ST8SIA1: variants seen among roughly 807,000 people sequenced by gnomAD.
ST8SIA1 encodes the protein ST8 alpha-N-acetyl-neuraminide alpha-2,8-sialyltransferase 1, also known as alpha-N-acetylneuraminide alpha-2,8-sialyltransferase.
A neutral mutation model predicts 35.9 loss-of-function variants in ST8SIA1; 16 were observed. That is an observed-to-expected ratio of 0.45 (90% CI 0.30 to 0.68). ST8SIA1 has a LOEUF of 0.68. ST8SIA1 is among the 30% of genes least tolerant of loss of function. The pLI is 0.09. For missense variants in ST8SIA1, 383 were observed against 453.6 expected (o/e 0.84, Z 1.41); for synonymous variants, 170 against 169.6 (o/e 1.00, Z -0.02).
intron 2 of ST8SIA1, among the ~76,000 whole-genome samples, chr12:22,281,819 C>CAAAAAAAAAAAAAAA (rs11423875): frequency 1.9e-5 from 2 of 102,964 alleles, no homozygotes; most frequent in East Asian, 3.0e-4. Context: ...CTTGTCTCTA[C>CAAAAAAAAAAAAAAA]AAAAAAAAAA....
rs147667941 is a variant in ST8SIA1 at position 22,214,081 on chromosome 12, A to G, written c.585-12043T>C. Among the ~76,000 whole-genome samples the G allele has an allele frequency of 2.4e-3, 365 of 152,334 alleles. 3 individuals carry two copies. Among genetic ancestry groups the G allele is most frequent in the African/African-American group, 8.4e-3 (349 of 41,572 alleles). On this transcript the variant is annotated intron_variant, in intron 4 of 4. Transcript: ENST00000396037. ...TATCCAAATTTGAACATGTTGAGCCACAGACATGAGCCAACAAGAAGAACA... is the reference window on the plus strand; with the variant it reads ...TATCCAAATTTGAACATGTTGAGCCGCAGACATGAGCCAACAAGAAGAACA...
chr12:22,288,395 C>T (rs977009525), intron 1 of ST8SIA1, among the ~76,000 whole-genome samples: 4 of 151,772 alleles, frequency 2.6e-5, no homozygotes, highest in African/African-American at 7.3e-5. Flanking sequence ...ATGAGACTTT[C>T]GTTGAGAGTT....
intron 1 of ST8SIA1, among the ~76,000 whole-genome samples, chr12:22,317,578 G>A (rs913937689): frequency 3.9e-5 from 6 of 152,158 alleles, no homozygotes; most frequent in African/African-American, 1.4e-4. Flanking sequence ...TTTCGCACAA[G>A]GGTCTCTCCA....
chr12:22,267,979 C>T (rs1170346061), intron 2 of ST8SIA1, among the ~76,000 whole-genome samples: 1 of 152,166 alleles, frequency 6.6e-6, no homozygotes, highest in Admixed American at 6.5e-5. Flanking sequence ...ACTTACTGTC[C>T]GTCTCACTAA....
At chr12:22,223,833 C>T (rs1251257333) in intron 4 of ST8SIA1, 1 of 1,170,456 alleles carries the variant, frequency 8.5e-7, no homozygotes, top group East Asian at 8.3e-5. Context: ...CCTGCAATAT[C>T]CTTAACAATA....
chr12:22,312,724 A>T (rs973931750), intron 1 of ST8SIA1, among the ~76,000 whole-genome samples: 13 of 151,810 alleles, frequency 8.6e-5, no homozygotes, highest in African/African-American at 2.7e-4. Context: ...AAAAAAAAAA[A>T]AAAACAATAA....
intron 1 of ST8SIA1, among the ~76,000 whole-genome samples, chr12:22,292,914 A>G (rs529094033): frequency 1.4e-4 from 22 of 152,344 alleles, no homozygotes; most frequent in East Asian, 3.9e-4. Flanking sequence ...ATAAATGAAT[A>G]AATCTGAATG....
intron 1 of ST8SIA1, among the ~76,000 whole-genome samples, chr12:22,295,042 C>G (rs932509586): frequency 6.6e-6 from 1 of 152,128 alleles, no homozygotes; most frequent in South Asian, 2.1e-4. Flanking sequence ...TAGTGCTGTT[C>G]TAGGCACTGA....
In ST8SIA1 at chr12:22,271,567, G is replaced by A. The variant is rs909221963; in HGVS notation, c.381+15582C>T. On this transcript the variant is annotated intron_variant, in intron 2 of 4. Coordinates refer to ENST00000396037, the MANE Select transcript of ST8SIA1 (RefSeq NM_003034.4). Reference sequence around the variant, plus strand: ...TCTATAAAATGGGGTGAAGGGAAACGTAAGAAATTACCTCTACAGTTATTG... The same window carrying A: ...TCTATAAAATGGGGTGAAGGGAAACATAAGAAATTACCTCTACAGTTATTG... Among the ~76,000 whole-genome samples, 4 of 152,086 alleles carry A rather than the reference G, an allele frequency of 2.6e-5. No individual in the cohort carries two copies. The East Asian group carries it at 5.8e-4, about 22-fold the overall frequency.
At chr12:22,262,161 T>A (rs61921820) in intron 2 of ST8SIA1, among the ~76,000 whole-genome samples, 10,516 of 152,206 alleles carry the variant, frequency 0.069, 414 homozygotes, top group East Asian at 0.16. Flanking sequence ...TTTTATAGCA[T>A]GCATGAGAGT....
chr12:22,223,505 A>G, intron 4 of ST8SIA1: 2 of 1,000,532 alleles, frequency 2.0e-6, no homozygotes, highest in South Asian at 8.4e-5. Flanking sequence ...GGCGCAGCCA[A>G]TGTCATGTAC....
At chr12:22,227,640 TA>T (rs1442759281) in intron 4 of ST8SIA1, among the ~76,000 whole-genome samples, 2 of 152,202 alleles carry the variant, frequency 1.3e-5, no homozygotes, top group African/African-American at 4.8e-5. Flanking sequence ...ATTTTTTTTC[TA>T]TTATTTCTCT....
At chr12:22,227,551 G>A (rs531231246) in intron 4 of ST8SIA1, among the ~76,000 whole-genome samples, 5 of 151,962 alleles carry the variant, frequency 3.3e-5, no homozygotes, top group Non-Finnish European at 7.4e-5. Context: ...CAGCCTGGGC[G>A]ACAGAGCAAG....
At chr12:22,229,600 A>G (rs1865393703) in intron 4 of ST8SIA1, among the ~76,000 whole-genome samples, 1 of 140,530 alleles carries the variant, frequency 7.1e-6, no homozygotes, top group African/African-American at 2.7e-5. Context: ...TGAGTAACAG[A>G]GCAAGACCGG....
At position 22,334,453 on chromosome 12, in the gene ST8SIA1, C is replaced by T. The variant is rs1591862618; in HGVS notation, c.-221G>A. 1 of 589,300 alleles carries T rather than the reference C, an allele frequency of 1.7e-6. No homozygotes were observed. The highest frequency in any genetic ancestry group is 2.8e-5 in the East Asian group (1 of 35,544). The allele number at this position is 589,300 out of a possible 1,614,324, so 36.5% of individuals were successfully genotyped here. ...AAGGATTTCTTTCTAGGGGAAGTGG[C>T]TGGGGGTGAAGTCACGATCTATGGC... On this transcript the variant is annotated 5_prime_UTR_variant, in exon 1 of 5. Coordinates refer to ENST00000396037, the MANE Select transcript of ST8SIA1 (RefSeq NM_003034.4).
chr12:22,265,814 T>C (rs924634817), intron 2 of ST8SIA1, among the ~76,000 whole-genome samples: 2 of 152,106 alleles, frequency 1.3e-5, no homozygotes, highest in African/African-American at 4.8e-5. Context: ...GGCCTCTAGT[T>C]CTTGCCTATC....
At chr12:22,320,870 AAGAAAGAAAG>A (rs1866578224) in intron 1 of ST8SIA1, among the ~76,000 whole-genome samples, 1 of 150,294 alleles carries the variant, frequency 6.7e-6, no homozygotes, top group Non-Finnish European at 1.5e-5. Context: ...AAAAGAAAGA[AAGAAAGAAAG>A]AGAAAGAAAG....
intron 2 of ST8SIA1, among the ~76,000 whole-genome samples, chr12:22,266,895 G>C (rs1865855955): frequency 1.3e-5 from 2 of 149,084 alleles, no homozygotes; most frequent in Non-Finnish European, 1.5e-5. Flanking sequence ...ACACAAAAGA[G>C]AAGATGAGGT....
chr12:22,227,580 A>G (rs1334127928), intron 4 of ST8SIA1, among the ~76,000 whole-genome samples: 2 of 152,118 alleles, frequency 1.3e-5, no homozygotes, highest in Non-Finnish European at 2.9e-5. Context: ...TCAAAAAACA[A>G]AACAAAACAA....
Sources: gnomAD v4.1 joint callset for allele counts (sites outside exome capture counted in the v4.1 genomes callset) on GRCh38, gnomAD v4.1.1 for gene constraint, MANE v1.5 for transcripts, NCBI Gene and HGNC (gene_info 2026-07-23, HGNC 2026-07-21) for gene names.